The following LAMA4 variants were observed in gnomAD, a reference collection of about 807,000 sequenced individuals.
LAMA4 encodes laminin subunit alpha 4, also known as laminin subunit alpha-4.
LAMA4 carries 127 observed loss-of-function variants against 207.1 expected under a neutral mutation model. That is an observed-to-expected ratio of 0.61 (90% CI 0.53 to 0.71). The LOEUF is 0.71. Ranked by LOEUF, LAMA4 falls within the 30% of genes least tolerant of loss-of-function variation. The pLI is 0.00. For synonymous variants in LAMA4, 761 were observed against 816.0 expected, an observed-to-expected ratio of 0.93 and a Z score of 1.15; for missense variants, 2,093 against 2,246.5, an observed-to-expected ratio of 0.93 and a Z score of 1.38.
chr6:112,113,980 G>C, intron 38 of LAMA4, 96 bp downstream of exon 38: 2 of 1,367,566 alleles, frequency 1.5e-6, no homozygotes, highest in Non-Finnish European at 2.1e-6. Context: ...TGAGTAACTA[G>C]GTGCATCATA....
intron 6 of LAMA4, among the ~76,000 whole-genome samples, chr6:112,190,930 T>TCCTTCCTTC (rs1472505404): frequency 2.9e-4 from 23 of 79,802 alleles, no homozygotes; most frequent in Non-Finnish European, 4.7e-4. Flanking sequence ...TTTCTTTCTT[T>TCCTTCCTTC]CTTTCTTTCT....
At position 112,136,458 on chromosome 6, in the gene LAMA4, G is replaced by A. The variant is rs944828182; in HGVS notation, c.3283-204C>T. 7.9e-5 allele frequency among the ~76,000 whole-genome samples: 12 copies of A among 152,214 alleles called. No homozygotes were observed. In the East Asian group the frequency reaches 2.3e-3, roughly 29 times the overall value. ...TGTAATCCCAGCACTCTGGGAGGCCGAGGCAGGTGGATCACTTGAGGCCAG... is the reference window on the plus strand; with the variant it reads ...TGTAATCCCAGCACTCTGGGAGGCCAAGGCAGGTGGATCACTTGAGGCCAG... On this transcript the variant is annotated intron_variant, in intron 24 of 38. Coordinates refer to ENST00000230538, the MANE Select transcript of LAMA4 (RefSeq NM_001105206.3).
At chr6:112,219,119 T>C (rs1784791108) in intron 2 of LAMA4, 1 of 152,224 alleles carries the variant, frequency 6.6e-6, no homozygotes, top group Non-Finnish European at 1.5e-5. Flanking sequence ...CTGTTATTTA[T>C]TTATTTTTAC....
intron 5 of LAMA4, among the ~76,000 whole-genome samples, chr6:112,200,656 G>C (rs1783686515): frequency 6.6e-6 from 1 of 152,190 alleles, no homozygotes; most frequent in Non-Finnish European, 1.5e-5. Context: ...TGATAGACTG[G>C]ATAAAGAAAA....
rs1554333478 is a variant in LAMA4 at position 112,142,193 on chromosome 6, T to G, written c.2593A>C (p.Met865Leu). The stretch of plus-strand genomic sequence containing the variant: ...TCCGGCCGCTTCACAGGGGGTTTCA[T>G]GTACAGGCTCAGAGACGTGAAGGCC... ...LKAFTSLSLY[M>L]KPPVKRPELT... The change falls in exon 20 of 39, where the codon ATG becomes CTG. Residue 865 changes from methionine to leucine, a missense_variant. By Grantham distance (15) the Met-to-Leu change is conservative (BLOSUM62 2). Coordinates refer to ENST00000230538, the MANE Select transcript of LAMA4 (RefSeq NM_001105206.3). The G allele has an allele frequency of 1.9e-6, 3 of 1,614,166 alleles. No individual in the cohort carries two copies.
chr6:112,191,119 C>T (rs1783094788), intron 6 of LAMA4, among the ~76,000 whole-genome samples: 1 of 151,800 alleles, frequency 6.6e-6, no homozygotes, highest in South Asian at 2.1e-4. Context: ...CTGGGTGGGA[C>T]TATAGGCACC....
intron 18 of LAMA4, among the ~76,000 whole-genome samples, chr6:112,146,044 C>T (rs1041595112): frequency 2.6e-5 from 4 of 152,118 alleles, no homozygotes; most frequent in Admixed American, 1.3e-4. Flanking sequence ...AATCCCAGAA[C>T]TTTGGGAGGC....
intron 14 of LAMA4, 50 bp from the exon 15 acceptor site, chr6:112,155,756 T>C (rs1554336813): frequency 6.3e-7 from 1 of 1,592,342 alleles, no homozygotes; most frequent in Non-Finnish European, 8.6e-7. Flanking sequence ...TCTTGGGGAA[T>C]GGGGCCATGT....
At chr6:112,145,113 G>A (rs1215627527) in intron 18 of LAMA4, among the ~76,000 whole-genome samples, 180 bp from the exon 19 acceptor site, 2 of 152,218 alleles carry the variant, frequency 1.3e-5, no homozygotes, top group Non-Finnish European at 2.9e-5. Context: ...GGAATAGGTT[G>A]AGGCAGACAT....
chr6:112,172,885 A>C (rs1333924303), intron 11 of LAMA4, 81 bp from the exon 12 acceptor site: 6 of 1,133,594 alleles, frequency 5.3e-6, no homozygotes, highest in African/African-American at 1.5e-5. Flanking sequence ...CAAAGTTGCA[A>C]AATTCTCAGG....
chr6:112,224,668 T>A (rs1554361783), intron 2 of LAMA4, among the ~76,000 whole-genome samples: 1 of 151,932 alleles, frequency 6.6e-6, no homozygotes, highest in Non-Finnish European at 1.5e-5. Context: ...ATATAAAAAT[T>A]AGCCAGTGGT....
At chr6:112,201,788 T>C in intron 4 of LAMA4, 100 bp from the exon 5 acceptor site, 2 of 956,342 alleles carry the variant, frequency 2.1e-6, no homozygotes, top group South Asian at 2.6e-5. Context: ...CCATTAAAGT[T>C]CTAATGGGTG....
intron 5 of LAMA4, chr6:112,200,248 A>C (rs1229302549): frequency 6.1e-6 from 3 of 488,908 alleles, no homozygotes; most frequent in African/African-American, 4.0e-5. Context: ...TTTCAAAAGA[A>C]GACATTTATG....
At chr6:112,208,091 C>A (rs1784167543) in intron 3 of LAMA4, among the ~76,000 whole-genome samples, 1 of 152,160 alleles carries the variant, frequency 6.6e-6, no homozygotes, top group Admixed American at 6.5e-5. Flanking sequence ...CAAGGCAAAG[C>A]CATTAGCTCT....
chr6:112,155,138 A>T lies in LAMA4; in HGVS notation c.1960-191T>A, dbSNP rs575032521. Among the ~76,000 whole-genome samples, 34 of 152,362 alleles carry T rather than the reference A, an allele frequency of 2.2e-4. No individual in the cohort carries two copies. The South Asian group carries it at 6.0e-3, about 27-fold the overall frequency. On this transcript the variant is annotated intron_variant, in intron 15 of 38. Transcript: ENST00000230538. ...GTAATGCCTTTGGCATTTTCAAGGTAATGTTTTTTTGGGAAAGATTCAGTG... is the reference window on the plus strand; with the variant it reads ...GTAATGCCTTTGGCATTTTCAAGGTTATGTTTTTTTGGGAAAGATTCAGTG...
intron 9 of LAMA4, 91 bp from the exon 10 acceptor site, chr6:112,178,323 C>T (rs1229846258): frequency 6.9e-6 from 6 of 868,266 alleles, no homozygotes; most frequent in Non-Finnish European, 1.1e-5. Context: ...TAATGTATTT[C>T]CTAAACGTAA....
intron 2 of LAMA4, among the ~76,000 whole-genome samples, chr6:112,249,414 G>A (rs1787257675): frequency 8.8e-6 from 1 of 114,106 alleles, no homozygotes. Context: ...CTGCACTCCA[G>A]ACAGGCAATA....
At chr6:112,115,188 A>C (rs1311017642) in intron 36 of LAMA4, among the ~76,000 whole-genome samples, 12 of 152,124 alleles carry the variant, frequency 7.9e-5, no homozygotes, top group Admixed American at 7.9e-4. Flanking sequence ...GGGAGGATTA[A>C]ATGAGTTAAT....
chr6:112,214,586 A>G (rs1407766057), intron 3 of LAMA4, among the ~76,000 whole-genome samples: 5 of 152,186 alleles, frequency 3.3e-5, no homozygotes, highest in Non-Finnish European at 5.9e-5. Context: ...TTAATGAGGG[A>G]AAAAAGATAT....
Sources: gnomAD v4.1 joint callset for allele counts (sites outside exome capture counted in the v4.1 genomes callset) on GRCh38, gnomAD v4.1.1 for gene constraint, MANE v1.5 for transcripts, NCBI Gene and HGNC (gene_info 2026-07-23, HGNC 2026-07-21) for gene names.